GPHN: variants seen among roughly 807,000 people sequenced by gnomAD.
GPHN encodes the protein gephyrin.
In GPHN, 17 loss-of-function variants were observed where a neutral mutation model predicts 95.5. The ratio of observed to expected loss-of-function variants is 0.18; its 90% CI spans 0.12 to 0.27. The LOEUF is 0.27. GPHN is among the 10% of genes least tolerant of loss of function. The pLI, the probability that GPHN is intolerant of heterozygous loss-of-function variation, is 1.00. For synonymous variants in GPHN, 320 were observed against 322.5 expected (o/e 0.99, Z 0.08); for missense variants, 660 against 978.1 (o/e 0.67, Z 4.34).
chr14:66,958,652 C>A (rs2068693555), intron 8 of GPHN, among the ~76,000 whole-genome samples: 1 of 152,066 alleles, frequency 6.6e-6, no homozygotes, highest in Non-Finnish European at 1.5e-5. Context: ...TGTTTTGAAA[C>A]ATATCTAAAC....
chr14:67,390,238 C>A, the GPHN span, among the ~76,000 whole-genome samples: 1 of 151,992 alleles, frequency 6.6e-6, no homozygotes, highest in Admixed American at 6.6e-5. Context: ...TATATGGTGA[C>A]AGAAACTTTT....
chr14:67,422,409 G>A, the GPHN span, among the ~76,000 whole-genome samples: 1 of 152,168 alleles, frequency 6.6e-6, no homozygotes. Context: ...ATATGGCCGA[G>A]GACCTGTGAG....
chr14:67,180,245 C>T (rs2083253781), intron 22 of GPHN, among the ~76,000 whole-genome samples: 1 of 152,166 alleles, frequency 6.6e-6, no homozygotes, highest in Admixed American at 6.5e-5. Flanking sequence ...ACTCTTTAAA[C>T]AAAGATCCTA....
At chr14:67,670,068 C>T in the GPHN span, among the ~76,000 whole-genome samples, 2 of 152,206 alleles carry the variant, frequency 1.3e-5, no homozygotes, top group Admixed American at 6.5e-5. Flanking sequence ...GCACTCCAGC[C>T]TGGATGACGG....
At chr14:66,924,859 G>C (rs530023269) in intron 8 of GPHN, among the ~76,000 whole-genome samples, 2 of 151,804 alleles carry the variant, frequency 1.3e-5, no homozygotes, top group East Asian at 1.9e-4. Flanking sequence ...GTGGCTGAAT[G>C]ATAGCTTGCA....
intron 2 of GPHN, among the ~76,000 whole-genome samples, chr14:66,689,742 TTTC>T (rs2067652287): frequency 6.6e-6 from 1 of 152,290 alleles, no homozygotes; most frequent in East Asian, 1.9e-4. Flanking sequence ...GGGTTTTTCA[TTTC>T]TTCTTGGCTC....
intron 9 of GPHN, among the ~76,000 whole-genome samples, chr14:67,011,296 G>C (rs535861932): frequency 3.8e-4 from 58 of 152,026 alleles, no homozygotes; most frequent in African/African-American, 1.3e-3. Flanking sequence ...TTAAAGGCCT[G>C]GCACAGTGGC....
intron 8 of GPHN, among the ~76,000 whole-genome samples, chr14:66,951,636 G>A (rs549794214): frequency 2.0e-5 from 3 of 151,952 alleles, no homozygotes; most frequent in African/African-American, 7.2e-5. Flanking sequence ...AAAGATCAAA[G>A]TGGGAAGACC....
chr14:67,362,123 G>A, the GPHN span, among the ~76,000 whole-genome samples: 1 of 151,116 alleles, frequency 6.6e-6, no homozygotes. Flanking sequence ...TGGGTTCAAG[G>A]GATTCTCCTG....
At chr14:66,610,335 G>T (rs2062727077) in intron 1 of GPHN, among the ~76,000 whole-genome samples, 1 of 152,064 alleles carries the variant, frequency 6.6e-6, no homozygotes, top group African/African-American at 2.4e-5. Context: ...TCTTCCCTAG[G>T]AGCCATTCAG....
intron 13 of GPHN, 32 bp from the exon 14 acceptor site, chr14:67,110,108 A>T: frequency 1.2e-6 from 2 of 1,606,272 alleles, no homozygotes; most frequent in Non-Finnish European, 1.7e-6. Flanking sequence ...GCAGCAAAGT[A>T]CATCAACTGT....
At chr14:67,406,311 ATAAT>A in the GPHN span, among the ~76,000 whole-genome samples, 24 of 152,226 alleles carry the variant, frequency 1.6e-4, 1 homozygote, top group South Asian at 5.0e-3. Context: ...ACAACAATCA[ATAAT>A]TAATATAGGG....
the GPHN span, among the ~76,000 whole-genome samples, chr14:67,380,145 G>C: frequency 6.6e-6 from 1 of 151,970 alleles, no homozygotes; most frequent in African/African-American, 2.4e-5. Context: ...ATTTTCATTT[G>C]CTCACTCATT....
the GPHN span, among the ~76,000 whole-genome samples, chr14:67,503,017 A>G: frequency 6.6e-6 from 1 of 152,150 alleles, no homozygotes; most frequent in African/African-American, 2.4e-5. Context: ...AGATGAAACC[A>G]ATGTTCAGGG....
At chr14:67,640,926 T>C in the GPHN span, among the ~76,000 whole-genome samples, 9 of 152,156 alleles carry the variant, frequency 5.9e-5, no homozygotes, top group Non-Finnish European at 1.3e-4. Context: ...TGTTCCAAAA[T>C]CTGAAACTTT....
chr14:67,274,023 C>T, the GPHN span, among the ~76,000 whole-genome samples: 1 of 152,106 alleles, frequency 6.6e-6, no homozygotes, highest in Non-Finnish European at 1.5e-5. Context: ...TGGATATTAG[C>T]CCTTTGTCAG....
At chr14:67,398,291 C>T in the GPHN span, among the ~76,000 whole-genome samples, 1 of 152,134 alleles carries the variant, frequency 6.6e-6, no homozygotes, top group South Asian at 2.1e-4. Context: ...GTGGCATGAC[C>T]TCAGCTCACT....
intron 5 of GPHN, among the ~76,000 whole-genome samples, chr14:66,904,519 C>T (rs1183263283): frequency 1.3e-5 from 2 of 152,154 alleles, no homozygotes; most frequent in Non-Finnish European, 2.9e-5. Flanking sequence ...ATTCTAGCTA[C>T]AGAGTACTGA....
chr14:66,652,393 T>C (rs1291110939), intron 1 of GPHN, among the ~76,000 whole-genome samples: 1 of 152,012 alleles, frequency 6.6e-6, no homozygotes, highest in Non-Finnish European at 1.5e-5. Flanking sequence ...ATTTTGTATA[T>C]ATTTGATATA....
Sources: allele counts gnomAD v4.1 joint callset (sites outside exome capture counted in the v4.1 genomes callset), GRCh38; gene constraint gnomAD v4.1.1; transcripts MANE v1.5; gene names NCBI Gene and HGNC (gene_info 2026-07-23, HGNC 2026-07-21).